MALRD1: variants seen among roughly 807,000 people sequenced by gnomAD.
MALRD1 encodes the protein MAM and LDL-receptor class A domain-containing protein 1.
A neutral mutation model predicts 242.1 loss-of-function variants in MALRD1; 247 were observed. The ratio of observed to expected loss-of-function variants is 1.02; its 90% CI spans 0.92 to 1.13. The LOEUF (loss-of-function observed/expected upper bound fraction) is 1.13, where lower values mean the gene tolerates loss of function less well. Among genes scored for constraint, MALRD1 ranks in the 50% most tolerant of loss-of-function variants. The pLI, the probability that MALRD1 is intolerant of heterozygous loss-of-function variation, is 0.00. For missense variants in MALRD1, 2,989 were observed against 2,533.1 expected (o/e 1.18, Z -3.86); for synonymous variants, 995 against 866.6 (o/e 1.15, Z -2.60).
At chr10:19,455,229 G>A (rs1835581831) in intron 29 of MALRD1, among the ~76,000 whole-genome samples, 1 of 152,130 alleles carries the variant, frequency 6.6e-6, no homozygotes, top group African/African-American at 2.4e-5. Flanking sequence ...CAAAGAAGTA[G>A]GAAGACAATT....
intron 2 of MALRD1, among the ~76,000 whole-genome samples, chr10:19,070,627 A>T (rs2131254147): frequency 6.6e-6 from 1 of 152,152 alleles, no homozygotes; most frequent in African/African-American, 2.4e-5. Flanking sequence ...GGGAGTTTTA[A>T]AATCCTTGCG....
intron 30 of MALRD1, among the ~76,000 whole-genome samples, chr10:19,493,003 C>T (rs77080190): frequency 0.039 from 5,924 of 152,118 alleles, 217 homozygotes; most frequent in East Asian, 0.1. Context: ...TGGTAAAAAA[C>T]ACATAATAAA....
In MALRD1 at chr10:19,615,899, T is replaced by C. The variant is rs1383643689; in HGVS notation, c.6113T>C (p.Val2038Ala). The change falls in exon 36 of 40, where the codon GTG (valine) becomes GCG (alanine). Residue 2038 changes from valine to alanine, a missense_variant. Physicochemically the swap from Val to Ala is moderately conservative, Grantham distance 64. Coordinates refer to ENST00000454679, the MANE Select transcript of MALRD1 (RefSeq NM_001142308.3). ...NYCRNGGTCV[V>A]EKNGPMCRCR... is the part of the protein sequence containing the mutation. ...TGCAGAAATGGTGGGACTTGTGTAG[T>C]GGAGAAAAATGGTCCTATGTGTCGG... 1 of 1,532,250 alleles carries C rather than the reference T, an allele frequency of 6.5e-7. No individual in the cohort carries two copies. The highest frequency in any genetic ancestry group is 8.7e-7 in the Non-Finnish European group (1 of 1,144,736). 94.9% of individuals were successfully genotyped at this position (1,532,250 alleles called of 1,614,324 possible).
At chr10:19,422,071 AT>A (rs34018130) in intron 28 of MALRD1, among the ~76,000 whole-genome samples, 1 of 152,178 alleles carries the variant, frequency 6.6e-6, no homozygotes, top group East Asian at 1.9e-4. Context: ...GAAAAACAGC[AT>A]TTTTTCCAGG....
chr10:19,390,692 G>A (rs988814492), intron 28 of MALRD1, among the ~76,000 whole-genome samples: 1 of 151,908 alleles, frequency 6.6e-6, no homozygotes, highest in African/African-American at 2.4e-5. Flanking sequence ...TGACACATGA[G>A]CTTTGGTTAA....
chr10:19,253,462 A>G (rs1287855807), intron 18 of MALRD1, among the ~76,000 whole-genome samples: 1 of 151,976 alleles, frequency 6.6e-6, no homozygotes, highest in Non-Finnish European at 1.5e-5. Context: ...ATGAATTTCA[A>G]CAAATGTACA....
At chr10:19,714,698 G>T (rs913153503) in intron 38 of MALRD1, among the ~76,000 whole-genome samples, 6 of 152,136 alleles carry the variant, frequency 3.9e-5, no homozygotes, top group African/African-American at 9.7e-5. Flanking sequence ...AGTGCTGCAG[G>T]GCTAGGAGAA....
intron 26 of MALRD1, among the ~76,000 whole-genome samples, chr10:19,379,500 T>C (rs1255916061): frequency 6.6e-6 from 1 of 152,194 alleles, no homozygotes; most frequent in Admixed American, 6.5e-5. Context: ...TTCATTTTCA[T>C]AGGGTTCAAA....
chr10:19,219,488 G>C (rs1442859616), intron 18 of MALRD1, among the ~76,000 whole-genome samples: 1 of 151,990 alleles, frequency 6.6e-6, no homozygotes, highest in Non-Finnish European at 1.5e-5. Flanking sequence ...CCAGACTGGA[G>C]TTCAGCGCCA....
chr10:19,396,587 T>C (rs756974617), intron 28 of MALRD1, among the ~76,000 whole-genome samples: 5 of 152,214 alleles, frequency 3.3e-5, no homozygotes, highest in Non-Finnish European at 5.9e-5. Flanking sequence ...ATAATCAGGA[T>C]TAAAAAACAA....
chr10:19,691,745 GTGTC>G (rs1313809574), intron 36 of MALRD1, among the ~76,000 whole-genome samples: 3 of 152,144 alleles, frequency 2.0e-5, no homozygotes, highest in African/African-American at 7.2e-5. Flanking sequence ...ACCCTTGTAA[GTGTC>G]TGAGAATTTA....
chr10:19,629,702 TG>T (rs1839823418), intron 36 of MALRD1, among the ~76,000 whole-genome samples: 1 of 152,110 alleles, frequency 6.6e-6, no homozygotes, highest in South Asian at 2.1e-4. Flanking sequence ...AGCTCAGTGG[TG>T]GCGCTCGAGA....
chr10:19,065,287 C>CAAAAAAAAAAAAAAAAAAAA (rs1197670439), intron 1 of MALRD1, among the ~76,000 whole-genome samples: 12 of 50,624 alleles, frequency 2.4e-4, no homozygotes, highest in East Asian at 1.8e-3. Flanking sequence ...AACGCTGTCT[C>CAAAAAAAAAAAAAAAAAAAA]AAAAAAAAAA....
intron 36 of MALRD1, among the ~76,000 whole-genome samples, chr10:19,691,036 A>T (rs951939788): frequency 2.0e-5 from 3 of 152,082 alleles, no homozygotes; most frequent in Admixed American, 1.3e-4. Context: ...TCAGAGTGAA[A>T]ATGTGTCCCC....
At chr10:19,072,912 T>C (rs987048704) in intron 2 of MALRD1, among the ~76,000 whole-genome samples, 1 of 151,556 alleles carries the variant, frequency 6.6e-6, no homozygotes, top group African/African-American at 2.4e-5. Context: ...TCACTTACCT[T>C]CCCCCCCTTT....
chr10:19,621,486 T>A (rs1839401258), intron 36 of MALRD1, among the ~76,000 whole-genome samples: 1 of 151,500 alleles, frequency 6.6e-6, no homozygotes, highest in South Asian at 2.1e-4. Context: ...AAGGATGATA[T>A]ATTCAAATGT....
intron 32 of MALRD1, among the ~76,000 whole-genome samples, chr10:19,556,898 C>A (rs926153672): frequency 1.3e-5 from 2 of 152,070 alleles, no homozygotes; most frequent in Non-Finnish European, 2.9e-5. Context: ...CCTCTGTTAT[C>A]TTCTAATGTT....
chr10:19,409,063 A>G (rs905288163), intron 28 of MALRD1, among the ~76,000 whole-genome samples: 30 of 152,338 alleles, frequency 2.0e-4, no homozygotes, highest in African/African-American at 6.7e-4. Flanking sequence ...TGTAACAGCC[A>G]ATATCTAGAA....
At chr10:19,432,083 C>CATG (rs1439020792) in intron 28 of MALRD1, among the ~76,000 whole-genome samples, 3 of 152,064 alleles carry the variant, frequency 2.0e-5, no homozygotes, top group African/African-American at 7.2e-5. Context: ...TCTTGAATGT[C>CATG]ATGGATTGGG....
Sources: allele counts gnomAD v4.1 joint callset (sites outside exome capture counted in the v4.1 genomes callset), GRCh38; gene constraint gnomAD v4.1.1; transcripts MANE v1.5; gene names NCBI Gene and HGNC (gene_info 2026-07-23, HGNC 2026-07-21).